The following EP400 variants were observed in gnomAD, a reference collection of about 807,000 sequenced individuals.
EP400 encodes the protein E1A-binding protein p400.
In EP400, 105 loss-of-function variants were observed where a neutral mutation model predicts 354.1. The ratio of observed to expected loss-of-function variants is 0.30; its 90% confidence interval spans 0.25 to 0.35. The LOEUF (loss-of-function observed/expected upper bound fraction) is 0.35, where lower values mean the gene tolerates loss of function less well. Ranked by LOEUF, EP400 falls within the 10% of genes least tolerant of loss-of-function variation. The pLI is 1.00. For missense variants in EP400, 3,280 were observed against 4,121.0 expected, an observed-to-expected ratio of 0.80 and a Z score of 5.59; for synonymous variants, 1,646 against 1,716.9, an observed-to-expected ratio of 0.96 and a Z score of 1.02.
intron 32 of EP400, among the ~76,000 whole-genome samples, chr12:132,040,123 C>T (rs1265592168): frequency 6.6e-6 from 1 of 152,160 alleles, no homozygotes; most frequent in Non-Finnish European, 1.5e-5. Context: ...AAATAATGTC[C>T]AGCATCACTA....
chr12:132,020,200 G>T lies in EP400; in HGVS notation c.4429G>T (p.Ala1477Ser). Residue 1477 changes from alanine (A) to serine (S), a missense_variant, in exon 22 of 53, where the codon GCC becomes TCC. By Grantham distance (99) the Ala-to-Ser change is moderately conservative (BLOSUM62 1). Transcript: ENST00000389561. ...ACGGCCGCCCATCGCCACGTTCTCT[G>T]CCAATCCGGAGGCAAAAGGTAGACT... is the stretch of plus-strand genomic sequence containing the variant. Reference protein sequence around the residue: ...RGRPPIATFSANPEAKAAAAP... With the variant: ...RGRPPIATFSSNPEAKAAAAP... The T allele has an allele frequency of 1.9e-6, 3 of 1,606,692 alleles. No individual in the cohort carries two copies. The highest frequency in any genetic ancestry group is 2.5e-6 in the Non-Finnish European group (3 of 1,176,820).
intron 2 of EP400, among the ~76,000 whole-genome samples, chr12:131,977,335 C>T (rs1267441265): frequency 6.7e-6 from 1 of 149,946 alleles, no homozygotes; most frequent in South Asian, 2.1e-4. Flanking sequence ...TTAGTAGAGA[C>T]GGAGTTTCAC....
intron 38 of EP400, 57 bp downstream of exon 38, chr12:132,045,617 G>C: frequency 6.2e-7 from 1 of 1,606,216 alleles, no homozygotes; most frequent in Non-Finnish European, 8.5e-7. Context: ...TCTAACGCAC[G>C]TCCGTGCATC....
chr12:131,992,369 T>C, intron 11 of EP400, 139 bp downstream of exon 11: 1 of 782,268 alleles, frequency 1.3e-6, no homozygotes. Context: ...CAGATGTCTC[T>C]CAGTGTATAG....
At chr12:131,986,420 C>A in intron 5 of EP400, 94 bp from the exon 6 acceptor site, 1 of 1,291,912 alleles carries the variant, frequency 7.7e-7, no homozygotes, top group South Asian at 1.4e-5. Flanking sequence ...TGGCAGTGCG[C>A]GTCTCTGGTG....
intron 45 of EP400, among the ~76,000 whole-genome samples, chr12:132,058,222 A>T (rs1470446119): frequency 6.6e-6 from 1 of 151,748 alleles, no homozygotes; most frequent in Non-Finnish European, 1.5e-5. Context: ...AATGGAACAC[A>T]AAAGATATTA....
Position 132,013,557 on chromosome 12 carries a change from C to T in EP400, c.3679C>T (p.His1227Tyr), listed in dbSNP as rs1182798534. 6.2e-7 allele frequency: 1 copy of T among 1,613,192 alleles called. No individual in the cohort carries two copies. Among genetic ancestry groups the T allele is most frequent in the Admixed American group, 1.7e-5 (1 of 59,848 alleles). Residue 1227 changes from histidine to tyrosine, a missense_variant, in exon 18 of 53, where the codon CAC (histidine) becomes TAC (tyrosine). This residue lies in a region of EP400 where 242 missense variants were observed against 357.9 expected (regional missense o/e 0.68). Coordinates refer to ENST00000389561, the MANE Select transcript of EP400 (RefSeq NM_015409.5). The surrounding 1 kb of genome is among the most constrained non-coding windows in gnomAD (Gnocchi z 4.5). ...CTTCCTGGAGCTCTGGACCATGGTGCACTTCCTGGTCCCAGGGATCTCCAG... is the reference window on the plus strand; with the variant it reads ...CTTCCTGGAGCTCTGGACCATGGTGTACTTCCTGGTCCCAGGGATCTCCAG... ...NTFLELWTMV[H>Y]FLVPGISRPY...
chr12:131,987,987 T>A, intron 7 of EP400, 97 bp downstream of exon 7: 6 of 608,034 alleles, frequency 9.9e-6, no homozygotes, highest in Non-Finnish European at 1.1e-5. Flanking sequence ...GACCCACTTT[T>A]TTTTTTTTTT....
intron 50 of EP400, chr12:132,068,505 A>G (rs1299306837): frequency 6.6e-6 from 1 of 152,312 alleles, no homozygotes; most frequent in Admixed American, 6.5e-5. Flanking sequence ...ACCAGTGCCC[A>G]GGGGCCCTAT....
Position 132,067,423 on chromosome 12 carries a change from C to G in EP400, c.8811C>G (p.Ala2937=). 1.2e-6 allele frequency: 2 copies of G among 1,613,432 alleles called. No homozygotes were observed. The change falls in exon 50 of 53, where the codon GCC becomes GCG. Residue 2937 remains alanine (A), a synonymous_variant. Transcript: ENST00000389561. The surrounding 1 kb of genome is among the most constrained non-coding windows in gnomAD (Gnocchi z 5.3). ...AGCTGCTGAAGCTGAAGCAGCAGGC[C>G]GTCCAGCAGCAGAAGGCCATCCAGC... ...MQQLLKLKQQ[A]VQQQKAIQPQ... is the part of the protein sequence containing the mutation.
chr12:132,053,705 C>A, intron 43 of EP400, 108 bp downstream of exon 43: 1 of 1,262,990 alleles, frequency 7.9e-7, no homozygotes, highest in Non-Finnish European at 1.0e-6. Context: ...AGTTCTAGCA[C>A]ATTTCCAGCT....
chr12:131,960,457 AG>A, intron 1 of EP400, 127 bp from the exon 2 acceptor site: 1 of 940,342 alleles, frequency 1.1e-6, no homozygotes. Context: ...ATTGAATGTG[AG>A]TCAGCTCTGT....
chr12:131,997,546 G>A (rs757065434), intron 12 of EP400, among the ~76,000 whole-genome samples: 14 of 152,160 alleles, frequency 9.2e-5, no homozygotes, highest in African/African-American at 1.9e-4. Flanking sequence ...GTGAGCCATC[G>A]TGCCTGGCCT....
chr12:132,067,619 G>C lies in EP400; in HGVS notation c.8874+133G>C. The C allele has an allele frequency of 7.8e-7, 1 of 1,276,556 alleles. No individual in the cohort carries two copies. Among genetic ancestry groups the C allele is most frequent in the Non-Finnish European group, 1.1e-6 (1 of 934,120 alleles). The allele number at this position is 1,276,556 out of a possible 1,614,324, so 79.1% of individuals were successfully genotyped here. A position where few individuals can be genotyped will look rare whatever the true frequency, so the allele number is the denominator to read the frequency against. ...TCAGAGGGTGGCTTCAAGGGCTGGA[G>C]GTGCTAGTGTGGTCATCCCTGTTGG... On this transcript the variant is annotated intron_variant, in intron 50 of 52. Coordinates refer to ENST00000389561, the MANE Select transcript of EP400 (RefSeq NM_015409.5). The surrounding 1 kb of genome is among the most constrained non-coding windows in gnomAD (Gnocchi z 5.3).
At position 132,045,103 on chromosome 12, in the gene EP400, A is replaced by G. The variant is rs188931895; in HGVS notation, c.6784+150A>G. On this transcript the variant is annotated intron_variant, in intron 37 of 52. Transcript: ENST00000389561. ...ACGCCCATCCGCTGCCTCTCAGGCC[A>G]TGTGCACAGGTTATGTTGTTTCCAG... The G allele has an allele frequency of 3.4e-4, 459 of 1,343,288 alleles. 2 individuals carry two copies. The African/African-American group carries it at 5.8e-3, about 17-fold the overall frequency. The allele number at this position is 1,343,288 out of a possible 1,614,324, so 83.2% of individuals were successfully genotyped here.
chr12:132,060,322 A>C (rs908642036), intron 45 of EP400, among the ~76,000 whole-genome samples: 2 of 152,216 alleles, frequency 1.3e-5, no homozygotes, highest in Non-Finnish European at 2.9e-5. Context: ...TATCAGACAG[A>C]AAATTGAGCA....
Position 131,982,269 on chromosome 12 carries a change from G to T in EP400, c.1720G>T (p.Ala574Ser). The T allele has an allele frequency of 1.2e-6, 2 of 1,614,164 alleles. No individual in the cohort carries two copies. The highest frequency in any genetic ancestry group is 4.5e-5 in the East Asian group (2 of 44,868). ...TGTTCCCACTGCAGCCCTCTCCTCTGCGCTGCAGTTTGCACAGCAGCCGCA... is the reference window on the plus strand; with the variant it reads ...TGTTCCCACTGCAGCCCTCTCCTCTTCGCTGCAGTTTGCACAGCAGCCGCA... ...AGVPTAALSS[A>S]LQFAQQPQVV... The change falls in exon 5 of 53, where the codon GCG (alanine) becomes TCG (serine). Residue 574 changes from alanine (A) to serine (S), a missense_variant. This residue lies in a region of EP400 where 800 missense variants were observed against 840.0 expected (regional missense o/e 0.95). Transcript: ENST00000389561.
chr12:132,065,378 CCAGCGTCCCGGGGCAGG>C, intron 48 of EP400: 1 of 161,446 alleles, frequency 6.2e-6, no homozygotes, highest in South Asian at 1.8e-4. Context: ...TCAGCAGGTG[CCAGCGTCCCGGGGCAGG>C]CAGCGTCACT....
chr12:131,951,726 C>T (rs550425717), intron 1 of EP400, among the ~76,000 whole-genome samples: 7 of 152,094 alleles, frequency 4.6e-5, no homozygotes, highest in Admixed American at 2.6e-4. Context: ...CTCAGCATCC[C>T]GAGTAGCTGG....
Sources: allele counts gnomAD v4.1 joint callset (sites outside exome capture counted in the v4.1 genomes callset), GRCh38; gene constraint gnomAD v4.1.1; regional missense constraint gnomAD v4.1.1; non-coding constraint Gnocchi (gnomAD v3.1); transcripts MANE v1.5; gene names NCBI Gene and HGNC (gene_info 2026-07-23, HGNC 2026-07-21).